Variants in LONP2 observed in about 807,000 individuals in gnomAD.
The protein encoded by LONP2 is lon protease homolog 2, peroxisomal.
LONP2 carries 60 observed loss-of-function variants against 85.6 expected under a neutral mutation model. The observed-to-expected ratio is 0.70, with a 90% CI of 0.57 to 0.87. The LOEUF is 0.87. Ranked by LOEUF, LONP2 falls within the 40% of genes least tolerant of loss-of-function variation. LONP2 has a pLI of 0.00. For missense variants in LONP2, 860 were observed against 1,063.5 expected (o/e 0.81, Z 2.66); for synonymous variants, 395 against 389.7 (o/e 1.01, Z -0.16).
chr16:48,288,697 G>A (rs1972500432), intron 8 of LONP2, among the ~76,000 whole-genome samples: 2 of 151,896 alleles, frequency 1.3e-5, no homozygotes, highest in Admixed American at 6.6e-5. Flanking sequence ...CCTCTTATAA[G>A]GGTACCAATT....
intron 11 of LONP2, among the ~76,000 whole-genome samples, chr16:48,311,614 T>C (rs996247890): frequency 6.6e-6 from 1 of 152,086 alleles, no homozygotes; most frequent in African/African-American, 2.4e-5. Flanking sequence ...TCTTGTATCT[T>C]GTTGAGCTAC....
At position 48,362,430 on chromosome 16, in the gene LONP2, T is replaced by G; in HGVS notation, c.*567T>G. On this transcript the variant is annotated 3_prime_UTR_variant, in exon 5 of 5. Transcript: ENST00000565867. This position sits in a 1 kb window ranked among gnomAD's most constrained non-coding sequence, Gnocchi z 4.2. Reference sequence around the variant, plus strand: ...TGCTGTAGCAGTCTGACGGCTCATTTCTGAAATAAATACATAAGGAGGCAG... The same window carrying G: ...TGCTGTAGCAGTCTGACGGCTCATTGCTGAAATAAATACATAAGGAGGCAG... 6.2e-7 allele frequency: 1 copy of G among 1,613,992 alleles called. No homozygotes were observed. The highest frequency in any genetic ancestry group is 8.5e-7 in the Non-Finnish European group (1 of 1,179,962).
At chr16:48,276,042 C>T (rs1972201785) in intron 7 of LONP2, among the ~76,000 whole-genome samples, 1 of 152,140 alleles carries the variant, frequency 6.6e-6, no homozygotes, top group African/African-American at 2.4e-5. Flanking sequence ...AAATTCCCTT[C>T]CCTACCACTC....
chr16:48,342,771 GT>G (rs1266232342), intron 12 of LONP2, among the ~76,000 whole-genome samples: 1 of 152,194 alleles, frequency 6.6e-6, no homozygotes, highest in African/African-American at 2.4e-5. Flanking sequence ...CTTTAAAGAA[GT>G]TGCCAGATGG....
At chr16:48,332,753 C>T (rs550330436) in intron 11 of LONP2, among the ~76,000 whole-genome samples, 1 of 151,410 alleles carries the variant, frequency 6.6e-6, no homozygotes, top group East Asian at 1.9e-4. Flanking sequence ...CACACACACA[C>T]AAACATTAGC....
chr16:48,351,214 C>T (rs576871523), intron 14 of LONP2, among the ~76,000 whole-genome samples: 1 of 152,298 alleles, frequency 6.6e-6, no homozygotes, highest in Admixed American at 6.5e-5. Context: ...GAGCGGCGCT[C>T]ATGGTCAGAA....
intron 8 of LONP2, among the ~76,000 whole-genome samples, chr16:48,289,174 G>A (rs1972509061): frequency 6.6e-6 from 1 of 152,106 alleles, no homozygotes; most frequent in Non-Finnish European, 1.5e-5. Flanking sequence ...GAAAATTTGA[G>A]ACAGGTCTCA....
At chr16:48,350,041 C>T (rs1960090462) in intron 14 of LONP2, among the ~76,000 whole-genome samples, 1 of 152,112 alleles carries the variant, frequency 6.6e-6, no homozygotes, top group Non-Finnish European at 1.5e-5. Context: ...AGCTCAAGTC[C>T]AGGAGTTCAA....
intron 6 of LONP2, among the ~76,000 whole-genome samples, chr16:48,266,113 C>T (rs2150973168): frequency 6.6e-6 from 1 of 152,274 alleles, no homozygotes; most frequent in Admixed American, 6.5e-5. Flanking sequence ...AAGCGATTCT[C>T]CTGCCTCAGC....
At chr16:48,338,936 C>T (rs559273460) in intron 12 of LONP2, among the ~76,000 whole-genome samples, 1 of 152,084 alleles carries the variant, frequency 6.6e-6, no homozygotes, top group East Asian at 1.9e-4. Context: ...TTAGAAATAT[C>T]TGTGAGGCAT....
Position 48,354,293 on chromosome 16 carries a change from T to G in LONP2, c.*2491T>G. The G allele has an allele frequency of 7.2e-6, 1 of 138,178 alleles. No homozygotes were observed. The highest frequency in any genetic ancestry group is 1.5e-5 in the Non-Finnish European group (1 of 65,528). The allele number at this position is 138,178 out of a possible 1,614,324, so 8.6% of individuals were successfully genotyped here. A position where few individuals can be genotyped will look rare whatever the true frequency, so the allele number is the denominator to read the frequency against. On this transcript the variant is annotated 3_prime_UTR_variant, in exon 15 of 15. Coordinates refer to ENST00000285737, the MANE Select transcript of LONP2 (RefSeq NM_031490.5). ...CATGATCTCGGCTCACTGCAACCTC[T>G]GCCTCCCCAGTTCAAGCAATTCTCA...
chr16:48,282,410 CAAAA>C (rs773913986), intron 8 of LONP2, among the ~76,000 whole-genome samples: 3 of 83,826 alleles, frequency 3.6e-5, no homozygotes, highest in Non-Finnish European at 7.8e-5. Context: ...GACTCTGTCT[CAAAA>C]AAAAAAAAAA....
At chr16:48,267,782 AT>A (rs1972022154) in intron 6 of LONP2, among the ~76,000 whole-genome samples, 1 of 151,446 alleles carries the variant, frequency 6.6e-6, no homozygotes, top group Non-Finnish European at 1.5e-5. Context: ...TGCCCAGCTA[AT>A]TTTTGTGTTT....
intron 11 of LONP2, among the ~76,000 whole-genome samples, chr16:48,328,277 G>A (rs1043182489): frequency 4.0e-5 from 6 of 151,876 alleles, no homozygotes; most frequent in African/African-American, 1.5e-4. Flanking sequence ...CGGGCGCGGT[G>A]GTTCACACCT....
At chr16:48,311,803 A>G (rs527252763) in intron 11 of LONP2, among the ~76,000 whole-genome samples, 1 of 152,126 alleles carries the variant, frequency 6.6e-6, no homozygotes, top group South Asian at 2.1e-4. Context: ...TATTTTTTGT[A>G]GAGATGGAGG....
intron 10 of LONP2, among the ~76,000 whole-genome samples, chr16:48,300,864 A>T (rs1972789698): frequency 1.3e-5 from 2 of 152,208 alleles, no homozygotes. Context: ...AACATTTTTG[A>T]TAGCTTCCCC....
intron 3 of LONP2, among the ~76,000 whole-genome samples, chr16:48,257,369 AT>A (rs1300360920): frequency 1.3e-5 from 2 of 152,108 alleles, no homozygotes; most frequent in Non-Finnish European, 2.9e-5. Flanking sequence ...TTGATTCACT[AT>A]TTTTAAACGT....
intron 11 of LONP2, among the ~76,000 whole-genome samples, chr16:48,322,631 T>G (rs1357980435): frequency 6.6e-6 from 1 of 152,140 alleles, no homozygotes; most frequent in Non-Finnish European, 1.5e-5. Flanking sequence ...TCCCAGCTAC[T>G]CAGGAGGCTG....
At chr16:48,347,993 GAATTC>G in intron 13 of LONP2, 102 bp from the exon 14 acceptor site, 1 of 1,048,646 alleles carries the variant, frequency 9.5e-7, no homozygotes, top group Non-Finnish European at 1.4e-6. Flanking sequence ...ATATTTTGAA[GAATTC>G]ATTTACCCAA....
Sources: allele counts gnomAD v4.1 joint callset (sites outside exome capture counted in the v4.1 genomes callset), GRCh38; gene constraint gnomAD v4.1.1; non-coding constraint Gnocchi (gnomAD v3.1); transcripts MANE v1.5; gene names NCBI Gene and HGNC (gene_info 2026-07-23, HGNC 2026-07-21).